RAB10: variants seen among roughly 807,000 people sequenced by gnomAD.
RAB10 encodes the protein RAB10, member RAS oncogene family, also known as ras-related protein Rab-10.
RAB10 carries 5 observed loss-of-function variants against 25.7 expected under a neutral mutation model. The ratio of observed to expected loss-of-function variants is 0.19; its 90% CI spans 0.10 to 0.41. RAB10 has a LOEUF of 0.41. Among genes scored for constraint, RAB10 ranks in the 10% least tolerant of loss-of-function variants. The pLI is 1.00. For missense variants in RAB10, 103 were observed against 245.8 expected, an observed-to-expected ratio of 0.42 and a Z score of 3.89; for synonymous variants, 89 against 86.4, an observed-to-expected ratio of 1.03 and a Z score of -0.16.
chr2:26,078,192 T>C (rs2149272698), intron 1 of RAB10, among the ~76,000 whole-genome samples: 1 of 152,282 alleles, frequency 6.6e-6, no homozygotes, highest in South Asian at 2.1e-4. Flanking sequence ...TCTAAGTAAA[T>C]GGAAGGGCAT....
chr2:26,043,109 T>C (rs1224982816), intron 1 of RAB10, among the ~76,000 whole-genome samples: 1 of 152,152 alleles, frequency 6.6e-6, no homozygotes, highest in African/African-American at 2.4e-5. Flanking sequence ...CACTTCGAGT[T>C]ATATCCAGGA....
intron 5 of RAB10, among the ~76,000 whole-genome samples, chr2:26,130,342 G>A (rs954903185): frequency 2.6e-5 from 4 of 151,326 alleles, no homozygotes; most frequent in African/African-American, 9.7e-5. Context: ...GGGTCTCACT[G>A]TGTTTCCCAG....
chr2:26,124,400 T>C (rs1667866021), intron 3 of RAB10, among the ~76,000 whole-genome samples: 1 of 98,896 alleles, frequency 1.0e-5, no homozygotes, highest in Non-Finnish European at 2.0e-5. Flanking sequence ...TTTTTTTTTT[T>C]TTTTTTTTTT....
chr2:26,048,309 A>G (rs979180495), intron 1 of RAB10, among the ~76,000 whole-genome samples: 1 of 152,050 alleles, frequency 6.6e-6, no homozygotes, highest in African/African-American at 2.4e-5. Context: ...TGGCTATACC[A>G]TTTTACACCC....
intron 2 of RAB10, among the ~76,000 whole-genome samples, chr2:26,099,701 T>C (rs1344371747): frequency 6.6e-6 from 1 of 151,898 alleles, no homozygotes; most frequent in Non-Finnish European, 1.5e-5. Context: ...CCACCACACC[T>C]GGCTAATTTC....
intron 1 of RAB10, among the ~76,000 whole-genome samples, chr2:26,070,624 T>C (rs983578693): frequency 5.3e-5 from 8 of 152,214 alleles, no homozygotes; most frequent in East Asian, 1.9e-4. Context: ...CTTGATAATA[T>C]GACAAATATA....
intron 3 of RAB10, among the ~76,000 whole-genome samples, chr2:26,126,939 G>A (rs1010801551): frequency 6.6e-6 from 1 of 152,184 alleles, no homozygotes; most frequent in Non-Finnish European, 1.5e-5. Context: ...ATTTGACATG[G>A]ATATGTCTTG....
chr2:26,085,038 C>G (rs1484491846), intron 1 of RAB10, among the ~76,000 whole-genome samples: 1 of 152,136 alleles, frequency 6.6e-6, no homozygotes, highest in Non-Finnish European at 1.5e-5. Context: ...AGCTTTGATT[C>G]TGTCACCCAG....
At chr2:26,079,947 A>G (rs1446108891) in intron 1 of RAB10, among the ~76,000 whole-genome samples, 1 of 152,230 alleles carries the variant, frequency 6.6e-6, no homozygotes, top group Non-Finnish European at 1.5e-5. Flanking sequence ...GATGTGAGCC[A>G]CTGCTCCCGG....
chr2:26,044,077 A>G (rs1550381), intron 1 of RAB10, among the ~76,000 whole-genome samples: 116,938 of 152,164 alleles, frequency 0.77, 44,994 homozygotes, highest in East Asian at 0.87. Flanking sequence ...CTGTTGCACA[A>G]TGGTGTGATA....
At chr2:26,099,994 C>CT (rs1174453783) in intron 2 of RAB10, among the ~76,000 whole-genome samples, 1 of 152,156 alleles carries the variant, frequency 6.6e-6, no homozygotes, top group African/African-American at 2.4e-5. Context: ...TACCCGGACT[C>CT]TGATTATACC....
At chr2:26,076,254 A>G (rs1453879945) in intron 1 of RAB10, among the ~76,000 whole-genome samples, 1 of 152,220 alleles carries the variant, frequency 6.6e-6, no homozygotes, top group African/African-American at 2.4e-5. Flanking sequence ...CTGATGCCAC[A>G]AAGCTAGAAT....
At chr2:26,104,494 A>G (rs527778783) in intron 2 of RAB10, among the ~76,000 whole-genome samples, 3 of 152,322 alleles carry the variant, frequency 2.0e-5, no homozygotes, top group African/African-American at 7.2e-5. Flanking sequence ...CATATCAGAT[A>G]CACAAGTTTG....
At chr2:26,038,263 C>G (rs1234252130) in intron 1 of RAB10, among the ~76,000 whole-genome samples, 2 of 150,302 alleles carry the variant, frequency 1.3e-5, no homozygotes, top group African/African-American at 2.5e-5. Flanking sequence ...GTGGCACAAT[C>G]TCTGTTCACT....
At chr2:26,060,551 G>A (rs1666373021) in intron 1 of RAB10, among the ~76,000 whole-genome samples, 1 of 152,166 alleles carries the variant, frequency 6.6e-6, no homozygotes, top group Non-Finnish European at 1.5e-5. Context: ...GCCTCCCAAA[G>A]TGCTGGGATT....
At position 26,118,217 on chromosome 2, in the gene RAB10, G is replaced by A. The variant is rs149080609; in HGVS notation, c.327+8311G>A. 9.8e-4 allele frequency among the ~76,000 whole-genome samples: 149 copies of A among 152,074 alleles called. 2 individuals are homozygous for A. The East Asian group carries it at 0.024, about 24-fold the overall frequency. On this transcript the variant is annotated intron_variant, in intron 3 of 5. Transcript: ENST00000264710. ...CGAACTCCTGACCTCATGGTCCGTC[G>A]TCCTCAGCCACCCAAAGTGCTGGGA... is the stretch of plus-strand genomic sequence containing the variant.
At chr2:26,072,538 T>G (rs917262508) in intron 1 of RAB10, among the ~76,000 whole-genome samples, 3 of 152,050 alleles carry the variant, frequency 2.0e-5, no homozygotes, top group Non-Finnish European at 4.4e-5. Flanking sequence ...TTGTGACTCA[T>G]GCAAAAAAAG....
intron 1 of RAB10, among the ~76,000 whole-genome samples, chr2:26,060,969 G>C (rs2149267052): frequency 6.6e-6 from 1 of 151,858 alleles, no homozygotes; most frequent in East Asian, 1.9e-4. Context: ...TGTAATTTTG[G>C]GAGTGGTTAT....
At chr2:26,131,533 TC>T in intron 5 of RAB10, among the ~76,000 whole-genome samples, 1 of 152,294 alleles carries the variant, frequency 6.6e-6, no homozygotes, top group South Asian at 2.1e-4. Context: ...ATTTAAAACA[TC>T]TTTTAATTTA....
Sources: gnomAD v4.1 joint callset for allele counts (sites outside exome capture counted in the v4.1 genomes callset) on GRCh38, gnomAD v4.1.1 for gene constraint, MANE v1.5 for transcripts, NCBI Gene and HGNC (gene_info 2026-07-23, HGNC 2026-07-21) for gene names.